Variants in EEFSEC observed in about 807,000 individuals in gnomAD.
EEFSEC encodes eukaryotic elongation factor, selenocysteine-tRNA specific, also known as selenocysteine-specific elongation factor.
EEFSEC carries 43 observed loss-of-function variants against 42.1 expected under a neutral mutation model. The ratio of observed to expected loss-of-function variants is 1.02; its 90% CI spans 0.80 to 1.32. The LOEUF is 1.32. Ranked by LOEUF, EEFSEC falls within the 40% of genes most tolerant of loss-of-function variation. The pLI, the probability that EEFSEC is intolerant of heterozygous loss-of-function variation, is 0.00. For missense variants in EEFSEC, 745 were observed against 803.6 expected, an observed-to-expected ratio of 0.93 and a Z score of 0.88; for synonymous variants, 354 against 339.1, an observed-to-expected ratio of 1.04 and a Z score of -0.48.
In EEFSEC at chr3:128,313,244, T is replaced by C. The variant is rs997774888; in HGVS notation, c.787-27989T>C. Among the ~76,000 whole-genome samples the C allele has an allele frequency of 9.2e-5, 14 of 152,302 alleles. No homozygotes were observed. In the East Asian group the frequency reaches 1.9e-3, roughly 21 times the overall value. ...ATTGATGTCTCCTGCCAACATCCAA[T>C]TGGGGGAGTCCAGGAAAAGGGCAGT... On this transcript the variant is annotated intron_variant, in intron 4 of 6. Coordinates refer to ENST00000254730, the MANE Select transcript of EEFSEC (RefSeq NM_021937.5).
chr3:128,329,387 A>G (rs2067100442), intron 4 of EEFSEC, among the ~76,000 whole-genome samples: 1 of 151,664 alleles, frequency 6.6e-6, no homozygotes, highest in Non-Finnish European at 1.5e-5. Context: ...TGTGCCAGGG[A>G]CGGAGATTAG....
intron 1 of EEFSEC, among the ~76,000 whole-genome samples, chr3:128,158,077 G>T (rs1944410737): frequency 6.6e-6 from 1 of 152,210 alleles, no homozygotes; most frequent in Non-Finnish European, 1.5e-5. Context: ...TGACTGAGGG[G>T]TTCAAGACTT....
At chr3:128,388,485 G>A (rs78485965) in intron 6 of EEFSEC, among the ~76,000 whole-genome samples, 1,826 of 152,344 alleles carry the variant, frequency 0.012, 44 homozygotes, top group African/African-American at 0.041. Flanking sequence ...TGTAACTGCC[G>A]TTTAGGTGGG....
chr3:128,318,418 C>T (rs776026632), intron 4 of EEFSEC, among the ~76,000 whole-genome samples: 1 of 152,208 alleles, frequency 6.6e-6, no homozygotes, highest in Non-Finnish European at 1.5e-5. Context: ...GGTCTGCCAG[C>T]TGCCAGCAGG....
At chr3:128,158,570 G>T (rs931771906) in intron 1 of EEFSEC, among the ~76,000 whole-genome samples, 2 of 152,214 alleles carry the variant, frequency 1.3e-5, no homozygotes, top group Non-Finnish European at 1.5e-5. Context: ...CCAGCAAAAA[G>T]ATTATGACTT....
In EEFSEC at chr3:128,241,201, CTTTTTT is replaced by C. The variant is rs373420882; in HGVS notation, c.317-5617_317-5612del. 1.5e-4 allele frequency among the ~76,000 whole-genome samples: 12 copies of C among 80,668 alleles called. 1 individual carries two copies. In the South Asian group the frequency reaches 6.3e-3, roughly 42 times the overall value. The allele number at this position is 80,668 out of a possible 152,430, so 52.9% of individuals were successfully genotyped here. On this transcript the variant is annotated intron_variant, in intron 1 of 6. Coordinates refer to ENST00000254730, the MANE Select transcript of EEFSEC (RefSeq NM_021937.5). The stretch of plus-strand genomic sequence containing the variant: ...AAGCCTTTGTCCTCTCTCTCTCTCT[CTTTTTT>C]TTTTTTTTTTTTTTTTTGAGACAGG...
At position 128,185,117 on chromosome 3, in the gene EEFSEC, T is replaced by G. The variant is rs183045628; in HGVS notation, c.316+31294T>G. On this transcript the variant is annotated intron_variant, in intron 1 of 6. Coordinates refer to ENST00000254730, the MANE Select transcript of EEFSEC (RefSeq NM_021937.5). The stretch of plus-strand genomic sequence containing the variant: ...TAGCTCTGTAAACTGAAAGCAGTTT[T>G]TTGGAGTTTGGATGCAAAACCCCAT... Among the ~76,000 whole-genome samples, 698 of 148,616 alleles carry G rather than the reference T, an allele frequency of 4.7e-3. 4 individuals are homozygous for G. Among genetic ancestry groups the G allele is most frequent in the African/African-American group, 0.015 (614 of 41,294 alleles).
intron 5 of EEFSEC, among the ~76,000 whole-genome samples, chr3:128,346,416 T>C (rs1020314942): frequency 1.3e-5 from 2 of 152,278 alleles, no homozygotes; most frequent in African/African-American, 4.8e-5. Context: ...TGATGAAATA[T>C]ACTGTTTTAA....
chr3:128,337,731 G>A (rs1232876543), intron 4 of EEFSEC, among the ~76,000 whole-genome samples: 1 of 152,212 alleles, frequency 6.6e-6, no homozygotes, highest in Non-Finnish European at 1.5e-5. Context: ...TCCTTGTCTC[G>A]GGATTTAGAA....
intron 6 of EEFSEC, among the ~76,000 whole-genome samples, chr3:128,396,004 C>T (rs774294351): frequency 1.3e-4 from 20 of 152,222 alleles, no homozygotes; most frequent in Non-Finnish European, 2.6e-4. Context: ...CAGGCTCTGA[C>T]AGCACCACTG....
At chr3:128,417,322 C>T in the EEFSEC span, among the ~76,000 whole-genome samples, 1 of 152,144 alleles carries the variant, frequency 6.6e-6, no homozygotes, top group South Asian at 2.1e-4. This position sits in a 1 kb window ranked among gnomAD's most constrained non-coding sequence, Gnocchi z 4.3. Flanking sequence ...CCCCACTCCT[C>T]CTAGGTCTCC....
chr3:128,256,119 CCTT>C (rs1266806925), intron 2 of EEFSEC, among the ~76,000 whole-genome samples: 3 of 152,150 alleles, frequency 2.0e-5, no homozygotes, highest in Non-Finnish European at 4.4e-5. Context: ...TGAAAGTTAA[CCTT>C]CTTCAGTTAT....
intron 1 of EEFSEC, among the ~76,000 whole-genome samples, chr3:128,160,700 A>G (rs2065175475): frequency 6.6e-6 from 1 of 152,098 alleles, no homozygotes; most frequent in East Asian, 1.9e-4. Flanking sequence ...TTCCCAGGAG[A>G]AGGAAATTAT....
chr3:128,324,520 T>G (rs1042658657), intron 4 of EEFSEC, among the ~76,000 whole-genome samples: 1 of 152,200 alleles, frequency 6.6e-6, no homozygotes, highest in African/African-American at 2.4e-5. Flanking sequence ...ATGAATGCCT[T>G]ACTCCATGGA....
rs571622929 is a variant in EEFSEC, at chr3:128,338,939, G to A, written c.787-2294G>A. Among the ~76,000 whole-genome samples, 4 of 152,308 alleles carry A rather than the reference G, an allele frequency of 2.6e-5. No homozygotes were observed. In the East Asian group the frequency reaches 7.7e-4, roughly 29 times the overall value. On this transcript the variant is annotated intron_variant, in intron 4 of 6. Coordinates refer to ENST00000254730, the MANE Select transcript of EEFSEC (RefSeq NM_021937.5). ...AGGTAGACGATGGGAGCCCACAAAG[G>A]AGGTGGTGACAAACAATTGCTTTAT...
intron 4 of EEFSEC, among the ~76,000 whole-genome samples, chr3:128,297,251 G>A (rs768526511): frequency 8.5e-5 from 13 of 152,176 alleles, no homozygotes; most frequent in Admixed American, 1.3e-4. Context: ...AGGGCTCACC[G>A]AAGGAACACA....
chr3:128,171,565 C>T (rs921883749), intron 1 of EEFSEC, among the ~76,000 whole-genome samples: 2 of 152,082 alleles, frequency 1.3e-5, no homozygotes, highest in Admixed American at 6.5e-5. Context: ...ATGTGGGCTT[C>T]AGTCATCAAC....
Position 128,341,571 on chromosome 3 carries a change from C to G in EEFSEC, c.1125C>G (p.Phe375Leu). Residue 375 changes from phenylalanine (F) to leucine (L), a missense_variant, in exon 5 of 7, where the codon TTC becomes TTG. Phe to Leu is a conservative substitution (Grantham distance 22, BLOSUM62 0). Coordinates refer to ENST00000254730, the MANE Select transcript of EEFSEC (RefSeq NM_021937.5). ...DSFNFSQEYL[F>L]QEQYLSKDLT... The stretch of plus-strand genomic sequence containing the variant: ...TCAACTTCTCTCAAGAATACCTTTT[C>G]CAGGAGCAGTACCTGTCCAAGGATT... 6.2e-7 allele frequency: 1 copy of G among 1,614,078 alleles called. No homozygotes were observed. The highest frequency in any genetic ancestry group is 8.5e-7 in the Non-Finnish European group (1 of 1,180,044).
At chr3:128,269,961 A>ATT (rs2066397217) in intron 4 of EEFSEC, among the ~76,000 whole-genome samples, 1 of 152,160 alleles carries the variant, frequency 6.6e-6, no homozygotes, top group African/African-American at 2.4e-5. Context: ...GGGGAAAGAG[A>ATT]GCAGGGGCTG....
Sources: allele counts gnomAD v4.1 joint callset (sites outside exome capture counted in the v4.1 genomes callset), GRCh38; gene constraint gnomAD v4.1.1; non-coding constraint Gnocchi (gnomAD v3.1); transcripts MANE v1.5; gene names NCBI Gene and HGNC (gene_info 2026-07-23, HGNC 2026-07-21).